ITGAX: variants seen among roughly 807,000 people sequenced by gnomAD.
The protein encoded by ITGAX is integrin subunit alpha X, also known as integrin alpha-X.
A neutral mutation model predicts 140.2 loss-of-function variants in ITGAX; 99 were observed. That is an observed-to-expected ratio of 0.71 (90% confidence interval 0.60 to 0.83). ITGAX has a LOEUF of 0.83. Ranked by LOEUF, ITGAX falls within the 40% of genes least tolerant of loss-of-function variation. The pLI is 0.00. For synonymous variants in ITGAX, 631 were observed against 600.4 expected, an observed-to-expected ratio of 1.05 and a Z score of -0.75; for missense variants, 1,444 against 1,482.0, an observed-to-expected ratio of 0.97 and a Z score of 0.42.
At chr16:31,365,701 T>C (rs1462147630) in intron 14 of ITGAX, among the ~76,000 whole-genome samples, 1 of 152,254 alleles carries the variant, frequency 6.6e-6, no homozygotes, top group Admixed American at 6.5e-5. Context: ...GGCAGGCAGA[T>C]CACTTGAGGT....
chr16:31,358,575 C>T (rs1316873565), intron 5 of ITGAX: 1 of 152,216 alleles, frequency 6.6e-6, no homozygotes, highest in Non-Finnish European at 1.5e-5. Context: ...GCACTCCAGC[C>T]TGGGTGACAG....
At chr16:31,361,998 A>G (rs959799331) in intron 10 of ITGAX, 77 bp from the exon 11 acceptor site, 2 of 1,611,776 alleles carry the variant, frequency 1.2e-6, no homozygotes, top group African/African-American at 2.7e-5. Context: ...TAAGAGGCGC[A>G]GGCGGAAGGC....
Position 31,356,735 on chromosome 16 carries a change from C to T in ITGAX, c.247+7C>T. 1 of 1,567,462 alleles carries T rather than the reference C, an allele frequency of 6.4e-7. No individual in the cohort carries two copies. The highest frequency in any genetic ancestry group is 8.7e-7 in the Non-Finnish European group (1 of 1,154,700). On this transcript the variant is annotated splice_region_variant and intron_variant, in intron 3 of 29. Coordinates refer to ENST00000268296, the MANE Select transcript of ITGAX (RefSeq NM_000887.5). ...GAGCCCATCGGCCTGCAGGGTGAGT[C>T]ACCGCCCCTCCCGGGACCCAGGGCC...
intron 8 of ITGAX, 39 bp downstream of exon 8, chr16:31,360,502 C>T: frequency 1.3e-6 from 2 of 1,556,218 alleles, no homozygotes. Flanking sequence ...CCCACGGCTT[C>T]CTCTCAGGGC....
In ITGAX at chr16:31,382,013, T is replaced by A; in HGVS notation, c.*106T>A. 1.4e-6 allele frequency: 2 copies of A among 1,481,010 alleles called. No homozygotes were observed. The highest frequency in any genetic ancestry group is 2.7e-5 in the South Asian group (2 of 75,154). 91.7% of individuals were successfully genotyped at this position (1,481,010 alleles called of 1,614,324 possible). On this transcript the variant is annotated 3_prime_UTR_variant, in exon 30 of 30. Transcript: ENST00000268296. ...GAACCACTGCACCACCGAGAGAGGC[T>A]GGGATGGGCCTGCTTCCTGTCTTTG...
chr16:31,377,131 C>T (rs1168403021), intron 22 of ITGAX, 51 bp from the exon 23 acceptor site: 7 of 1,611,262 alleles, frequency 4.3e-6, no homozygotes, highest in African/African-American at 1.3e-5. Context: ...CCTCACACCC[C>T]ATTCTCCTCC....
Position 31,382,765 on chromosome 16 carries a change from G to C in ITGAX, c.*858G>C, listed in dbSNP as rs866480547. The C allele has an allele frequency of 8.2e-6, 4 of 488,912 alleles. No individual in the cohort carries two copies. Among genetic ancestry groups the C allele is most frequent in the South Asian group, 2.6e-5 (1 of 38,024 alleles). The allele number at this position is 488,912 out of a possible 1,614,324, so 30.3% of individuals were successfully genotyped here. On this transcript the variant is annotated 3_prime_UTR_variant, in exon 30 of 30. Transcript: ENST00000268296. ...AAGGGAGGAGCGCCCTCTAGGGAGG[G>C]ACATGGCCCCGGTGCGGCTGCAGCT...
intron 14 of ITGAX, among the ~76,000 whole-genome samples, chr16:31,364,475 G>C (rs1456796084): frequency 7.0e-6 from 1 of 142,940 alleles, no homozygotes; most frequent in East Asian, 2.0e-4. Context: ...GGATAGGGTA[G>C]ACGTTTCTCC....
At chr16:31,365,912 G>A (rs1431826726) in intron 14 of ITGAX, among the ~76,000 whole-genome samples, 2 of 150,154 alleles carry the variant, frequency 1.3e-5, no homozygotes, top group Non-Finnish European at 3.0e-5. Flanking sequence ...GATAGAGTGA[G>A]ACTCCATCTC....
In ITGAX at chr16:31,371,777, T is replaced by C. The variant is rs1179698007; in HGVS notation, c.2153T>C (p.Leu718Pro). The C allele has an allele frequency of 6.2e-7, 1 of 1,613,896 alleles. No homozygotes were observed. The highest frequency in any genetic ancestry group is 1.7e-5 in the Admixed American group (1 of 60,004). The change falls in exon 17 of 30, where the codon CTG becomes CCG. Residue 718 changes from leucine (L) to proline (P), a missense_variant. Transcript: ENST00000268296. ...GCACACTGTGAAAACTTCAACCTGC[T>C]GCTCCCGGTGCGTCTGGGCATGAAC... ...LKAHCENFNLLLPSCVEDSVT... is the reference protein window; with the variant it reads ...LKAHCENFNLPLPSCVEDSVT...
At chr16:31,364,681 C>T (rs745848223) in intron 14 of ITGAX, among the ~76,000 whole-genome samples, 3 of 151,956 alleles carry the variant, frequency 2.0e-5, no homozygotes, top group Non-Finnish European at 4.4e-5. Context: ...TGTAAATCCA[C>T]GCAGCTGCTT....
chr16:31,381,798 C>T lies in ITGAX; in HGVS notation c.3388-5C>T, dbSNP rs112723689. The T allele has an allele frequency of 4.5e-4, 396 of 872,406 alleles. 3 individuals carry two copies. The highest frequency in any genetic ancestry group is 3.5e-3 in the Admixed American group (205 of 59,132). 54.0% of individuals were successfully genotyped at this position (872,406 alleles called of 1,614,324 possible). On this transcript the variant is annotated splice_polypyrimidine_tract_variant and splice_region_variant and intron_variant, in intron 29 of 29. Coordinates refer to ENST00000268296, the MANE Select transcript of ITGAX (RefSeq NM_000887.5). ...CCTGAGTTTCTTCTTCGTCCTCCCCCCTAGGTTGGCTTCTTCAAGCGTCAG... is the reference window on the plus strand; with the variant it reads ...CCTGAGTTTCTTCTTCGTCCTCCCCTCTAGGTTGGCTTCTTCAAGCGTCAG...
rs555453752 is a variant in ITGAX at position 31,375,768 on chromosome 16, G to A, written c.2509-1031G>A. 7.9e-5 allele frequency among the ~76,000 whole-genome samples: 12 copies of A among 152,312 alleles called. No homozygotes were observed. In the East Asian group the frequency reaches 1.3e-3, roughly 17 times the overall value. On this transcript the variant is annotated intron_variant, in intron 20 of 29. Transcript: ENST00000268296. ...CCAGCGGAAGCGCATTTTGATTAAC[G>A]TATAAAAGAACACAGCAGGAAAGGC... is the stretch of plus-strand genomic sequence containing the variant.
In ITGAX at chr16:31,356,669, C is replaced by T. The variant is rs375890125; in HGVS notation, c.188C>T (p.Thr63Met). The change falls in exon 3 of 30, where the codon ACG (threonine) becomes ATG (methionine). Residue 63 changes from threonine to methionine, a missense_variant. Thr to Met is a moderately conservative substitution (Grantham distance 81, BLOSUM62 -1). Transcript: ENST00000268296. ...APQKITAANQ[T>M]GGLYQCGYST... ...CAAAAGATAACAGCTGCCAACCAAA[C>T]GGGTGGCCTCTACCAGTGTGGCTAC... 5.7e-4 allele frequency: 921 copies of T among 1,601,750 alleles called. 2 individuals carry two copies. The highest frequency in any genetic ancestry group is 7.5e-4 in the Non-Finnish European group (880 of 1,175,200).
chr16:31,376,461 A>C (rs2081019871), intron 20 of ITGAX, among the ~76,000 whole-genome samples: 1 of 152,218 alleles, frequency 6.6e-6, no homozygotes, highest in Middle Eastern at 3.4e-3. Context: ...TTTATAAAAA[A>C]ATTTTTTTAA....
chr16:31,356,892 C>A, intron 3 of ITGAX, 139 bp from the exon 4 acceptor site: 2 of 854,824 alleles, frequency 2.3e-6, no homozygotes, highest in Non-Finnish European at 3.6e-6. Context: ...CCATCGCACT[C>A]CCGCAGCTCT....
intron 14 of ITGAX, among the ~76,000 whole-genome samples, chr16:31,368,113 A>G (rs577174627): frequency 6.6e-6 from 1 of 151,026 alleles, no homozygotes; most frequent in South Asian, 2.1e-4. Context: ...ACTTGCACAG[A>G]TGAGGACCTG....
intron 14 of ITGAX, among the ~76,000 whole-genome samples, chr16:31,369,065 C>G (rs1257694400): frequency 1.3e-5 from 2 of 152,238 alleles, no homozygotes; most frequent in African/African-American, 2.4e-5. Context: ...CCTTTCCCCC[C>G]TTTCGATTCC....
Position 31,381,979 on chromosome 16 carries a change from G to GTTTGTT in ITGAX, c.*72_*73insTTTGTT. The GTTTGTT allele has an allele frequency of 6.7e-7, 1 of 1,491,586 alleles. No homozygotes were observed. Among genetic ancestry groups the GTTTGTT allele is most frequent in the Non-Finnish European group, 9.2e-7 (1 of 1,089,654 alleles). 92.4% of individuals were successfully genotyped at this position (1,491,586 alleles called of 1,614,324 possible). A position where few individuals can be genotyped will look rare whatever the true frequency, so the allele number is the denominator to read the frequency against. ...TTACTTACCCTCACCTGTCAGGCCT[G>GTTTGTT]ACGGGGAGGAACCACTGCACCACCG... is the stretch of plus-strand genomic sequence containing the variant. On this transcript the variant is annotated 3_prime_UTR_variant, in exon 30 of 30. Coordinates refer to ENST00000268296, the MANE Select transcript of ITGAX (RefSeq NM_000887.5).
Sources: allele counts gnomAD v4.1 joint callset (sites outside exome capture counted in the v4.1 genomes callset), GRCh38; gene constraint gnomAD v4.1.1; transcripts MANE v1.5; gene names NCBI Gene and HGNC (gene_info 2026-07-23, HGNC 2026-07-21).